RLF: variants seen among roughly 807,000 people sequenced by gnomAD.
RLF encodes RLF zinc finger, also known as zinc finger protein Rlf.
Under a neutral mutation model 162.9 loss-of-function variants are expected in RLF, and 7 were observed. The ratio of observed to expected loss-of-function variants is 0.04; its 90% CI spans 0.02 to 0.08. RLF has a LOEUF of 0.08. Among genes scored for constraint, RLF ranks in the 10% least tolerant of loss-of-function variants. The pLI is 1.00. For missense variants in RLF, 1,664 were observed against 2,244.7 expected (o/e 0.74, Z 5.23); for synonymous variants, 782 against 791.5 (o/e 0.99, Z 0.20).
chr1:40,184,879 G>A (rs1642453179), intron 1 of RLF, among the ~76,000 whole-genome samples: 1 of 152,006 alleles, frequency 6.6e-6, no homozygotes, highest in African/African-American at 2.4e-5. Flanking sequence ...TGAACTTTAG[G>A]AGGTCATCTT....
At position 40,237,099 on chromosome 1, in the gene RLF, A is replaced by T; in HGVS notation, c.2397A>T (p.Ala799=). 1 of 1,614,184 alleles carries T rather than the reference A, an allele frequency of 6.2e-7. No individual in the cohort carries two copies. The highest frequency in any genetic ancestry group is 8.5e-7 in the Non-Finnish European group (1 of 1,179,992). The part of the protein sequence containing the change: ...YHHEAQHFRD[A]SYTCNFLGCK... Reference sequence around the variant, plus strand: ...ATGAAGCACAACACTTTAGGGATGCATCTTACACATGCAACTTCCTTGGCT... The same window carrying T: ...ATGAAGCACAACACTTTAGGGATGCTTCTTACACATGCAACTTCCTTGGCT... The change falls in exon 8 of 8, where the codon GCA becomes GCT. Residue 799 remains alanine, a synonymous_variant. Transcript: ENST00000372771. The surrounding 1 kb of genome is among the most constrained non-coding windows in gnomAD (Gnocchi z 4.4).
chr1:40,229,524 G>A (rs373582391), intron 6 of RLF, among the ~76,000 whole-genome samples: 2 of 141,210 alleles, frequency 1.4e-5, no homozygotes, highest in South Asian at 2.2e-4. Context: ...GTGCAATCTC[G>A]GCTTACCGCA....
Position 40,236,731 on chromosome 1 carries a change from G to C in RLF, c.2029G>C (p.Asp677His), listed in dbSNP as rs764805810. 1 of 1,614,000 alleles carries C rather than the reference G, an allele frequency of 6.2e-7. No individual in the cohort carries two copies. Among genetic ancestry groups the C allele is most frequent in the Non-Finnish European group, 8.5e-7 (1 of 1,179,914 alleles). ...DRDLYPCPGT[D>H]CSRVFKQFKY... The stretch of plus-strand genomic sequence containing the variant: ...AGATTTGTATCCATGTCCCGGTACA[G>C]ACTGTTCCCGTGTGTTTAAGCAATT... The change falls in exon 8 of 8, where the codon GAC (aspartate) becomes CAC (histidine). Residue 677 changes from aspartate to histidine, a missense_variant. Asp to His is a moderately conservative substitution (Grantham distance 81). Coordinates refer to ENST00000372771, the MANE Select transcript of RLF (RefSeq NM_012421.4). This position sits in a 1 kb window ranked among gnomAD's most constrained non-coding sequence, Gnocchi z 7.7.
intron 1 of RLF, among the ~76,000 whole-genome samples, chr1:40,171,292 G>A (rs942418305): frequency 2.0e-5 from 3 of 152,100 alleles, no homozygotes; most frequent in Admixed American, 2.0e-4. Flanking sequence ...GCCTCCCAAG[G>A]CACTGGGATT....
intron 1 of RLF, among the ~76,000 whole-genome samples, chr1:40,170,440 T>C (rs899601560): frequency 1.3e-5 from 2 of 152,002 alleles, no homozygotes; most frequent in Non-Finnish European, 2.9e-5. Flanking sequence ...TTTTTGTATT[T>C]TGTAGAGATA....
intron 6 of RLF, among the ~76,000 whole-genome samples, chr1:40,228,036 G>A (rs901152798): frequency 6.6e-6 from 1 of 152,066 alleles, no homozygotes; most frequent in Non-Finnish European, 1.5e-5. Flanking sequence ...TGTAATCCCA[G>A]TACTCTGGGA....
At chr1:40,215,178 A>T (rs1049749593) in intron 5 of RLF, among the ~76,000 whole-genome samples, 1 of 152,198 alleles carries the variant, frequency 6.6e-6, no homozygotes, top group African/African-American at 2.4e-5. Context: ...GCAAATGGAC[A>T]ATTCAAACAT....
chr1:40,214,160 C>T (rs1407169015), intron 5 of RLF, among the ~76,000 whole-genome samples: 1 of 152,084 alleles, frequency 6.6e-6, no homozygotes, highest in African/African-American at 2.4e-5. Flanking sequence ...TCCATTTATT[C>T]AGTATACATT....
chr1:40,165,498 G>A (rs770151995), intron 1 of RLF, among the ~76,000 whole-genome samples: 1 of 151,792 alleles, frequency 6.6e-6, no homozygotes, highest in African/African-American at 2.4e-5. Flanking sequence ...TCTTCTTTAG[G>A]GCCCAGTATA....
intron 6 of RLF, among the ~76,000 whole-genome samples, chr1:40,224,995 C>G (rs1643049806): frequency 6.6e-6 from 1 of 151,874 alleles, no homozygotes; most frequent in African/African-American, 2.4e-5. Flanking sequence ...AAACAAAAAA[C>G]ATTGAATTTT....
At chr1:40,216,601 T>A (rs998749838) in intron 5 of RLF, among the ~76,000 whole-genome samples, 2 of 151,976 alleles carry the variant, frequency 1.3e-5, no homozygotes, top group Non-Finnish European at 2.9e-5. Flanking sequence ...ATTTCCCACA[T>A]CCACAGGGCC....
rs1643242839 is a variant in RLF at position 40,238,123 on chromosome 1, A to C, written c.3421A>C (p.Arg1141=). 1 of 1,613,806 alleles carries C rather than the reference A, an allele frequency of 6.2e-7. No homozygotes were observed. The highest frequency in any genetic ancestry group is 1.1e-5 in the South Asian group (1 of 91,016). The part of the protein sequence containing the change: ...LQGCKYEFVT[R]EALLMHYLKK... Reference sequence around the variant, plus strand: ...AGGATGCAAATATGAATTTGTGACCAGAGAGGCTCTGTTAATGCATTATCT... The same window carrying C: ...AGGATGCAAATATGAATTTGTGACCCGAGAGGCTCTGTTAATGCATTATCT... The change falls in exon 8 of 8, where the codon AGA becomes CGA. Residue 1141 remains arginine, a synonymous_variant. Transcript: ENST00000372771. This position sits in a 1 kb window ranked among gnomAD's most constrained non-coding sequence, Gnocchi z 5.2.
In RLF at chr1:40,222,699, A is replaced by G. The variant is rs773125277; in HGVS notation, c.936A>G (p.Val312=). Residue 312 remains valine (V), a synonymous_variant, in exon 6 of 8, where the codon GTA becomes GTG. Transcript: ENST00000372771. ...YLTQQLQTAS[V]YCSWELTLFW... ...CCCAGCAGCTCCAAACTGCAAGTGT[A>G]TATTGTTCTTGGTAAGTATATTTAG... 22 of 1,612,906 alleles carry G rather than the reference A, an allele frequency of 1.4e-5. No individual in the cohort carries two copies. In the South Asian group the frequency reaches 1.5e-4, roughly 11 times the overall value.
intron 6 of RLF, among the ~76,000 whole-genome samples, chr1:40,229,242 A>G (rs962753387): frequency 1.3e-5 from 2 of 152,312 alleles, no homozygotes; most frequent in East Asian, 1.9e-4. Context: ...TTAAATCTGA[A>G]TAAAGCAATT....
At chr1:40,212,303 G>C (rs1335276699) in intron 5 of RLF, among the ~76,000 whole-genome samples, 2 of 152,342 alleles carry the variant, frequency 1.3e-5, no homozygotes, top group Admixed American at 1.3e-4. Flanking sequence ...AGTGGGTAAA[G>C]AGTGAGTCCT....
Position 40,240,685 on chromosome 1 carries a change from C to A in RLF, c.*238C>A. On this transcript the variant is annotated 3_prime_UTR_variant, in exon 8 of 8. Transcript: ENST00000372771. ...TTTATTAAAAAAATGGAACTGTACACTTGTTTGGTGCTAATTAATACATCA... is the reference window on the plus strand; with the variant it reads ...TTTATTAAAAAAATGGAACTGTACAATTGTTTGGTGCTAATTAATACATCA... 1 of 454,916 alleles carries A rather than the reference C, an allele frequency of 2.2e-6. No individual in the cohort carries two copies. The highest frequency in any genetic ancestry group is 3.9e-5 in the East Asian group (1 of 25,772). 28.2% of individuals were successfully genotyped at this position (454,916 alleles called of 1,614,324 possible).
chr1:40,184,873 CT>C (rs1303166066), intron 1 of RLF, among the ~76,000 whole-genome samples: 1 of 152,068 alleles, frequency 6.6e-6, no homozygotes, highest in Non-Finnish European at 1.5e-5. Flanking sequence ...GTAGAATGAA[CT>C]TTAGGAGGTC....
intron 1 of RLF, among the ~76,000 whole-genome samples, chr1:40,178,632 G>GTTTTTTTTTTTTTTTTTTTTTTTTTTTT (rs57391266): frequency 1.1e-5 from 1 of 88,410 alleles, no homozygotes; most frequent in African/African-American, 3.9e-5. Flanking sequence ...TTTTTTTTTT[G>GTTTTTTTTTTTTTTTTTTTTTTTTTTTT]TTTTTTTTTT....
At position 40,238,070 on chromosome 1, in the gene RLF, C is replaced by T. The variant is rs867128973; in HGVS notation, c.3368C>T (p.Ala1123Val). Residue 1123 changes from alanine to valine, a missense_variant, in exon 8 of 8, where the codon GCG (alanine) becomes GTG (valine). Transcript: ENST00000372771. This position sits in a 1 kb window ranked among gnomAD's most constrained non-coding sequence, Gnocchi z 5.2. The part of the protein sequence containing the change: ...NMPSQYLAQL[A>V]AKPFFCELQG... ...CCAAGTCAGTACCTTGCACAGTTGG[C>T]GGCTAAGCCGTTTTTCTGTGAGCTT... 2 of 1,614,026 alleles carry T rather than the reference C, an allele frequency of 1.2e-6. No homozygotes were observed. The highest frequency in any genetic ancestry group is 8.5e-7 in the Non-Finnish European group (1 of 1,179,996).
Sources: allele counts gnomAD v4.1 joint callset (sites outside exome capture counted in the v4.1 genomes callset), GRCh38; gene constraint gnomAD v4.1.1; non-coding constraint Gnocchi (gnomAD v3.1); transcripts MANE v1.5; gene names NCBI Gene and HGNC (gene_info 2026-07-23, HGNC 2026-07-21).